UTRN: variants seen among roughly 807,000 people sequenced by gnomAD.
UTRN encodes the protein utrophin.
Under a neutral mutation model 463.9 loss-of-function variants are expected in UTRN, and 283 were observed. The observed-to-expected ratio is 0.61, with a 90% CI of 0.55 to 0.67. The LOEUF (loss-of-function observed/expected upper bound fraction) is 0.67, where lower values mean the gene tolerates loss of function less well. Ranked by LOEUF, UTRN falls within the 30% of genes least tolerant of loss-of-function variation. UTRN has a pLI of 0.00. For missense variants in UTRN, 3,922 were observed against 4,084.3 expected, an observed-to-expected ratio of 0.96 and a Z score of 1.08; for synonymous variants, 1,442 against 1,431.5, an observed-to-expected ratio of 1.01 and a Z score of -0.17.
intron 48 of UTRN, among the ~76,000 whole-genome samples, chr6:144,554,352 G>T (rs147851619): frequency 6.6e-6 from 1 of 152,066 alleles, no homozygotes; most frequent in Non-Finnish European, 1.5e-5. Flanking sequence ...ATCAAACCAG[G>T]TCTATAAATA....
intron 51 of UTRN, among the ~76,000 whole-genome samples, chr6:144,617,943 CA>C (rs1269203654): frequency 6.6e-6 from 1 of 152,078 alleles, no homozygotes; most frequent in Middle Eastern, 3.2e-3. Context: ...TCCAGATAAT[CA>C]AAAAAGCCAT....
intron 44 of UTRN, among the ~76,000 whole-genome samples, chr6:144,538,388 G>A (rs527889420): frequency 2.0e-5 from 3 of 151,958 alleles, no homozygotes; most frequent in Admixed American, 6.6e-5. Context: ...AGAAATTGTG[G>A]GCTGGGTGTG....
intron 2 of UTRN, among the ~76,000 whole-genome samples, chr6:144,362,874 CT>C (rs563704387): frequency 7.6e-4 from 115 of 152,292 alleles, no homozygotes; most frequent in African/African-American, 2.1e-3. Context: ...TGAGGACCTA[CT>C]GTGTGCCAGG....
At chr6:144,411,395 T>C (rs1472108007) in intron 3 of UTRN, among the ~76,000 whole-genome samples, 1 of 152,204 alleles carries the variant, frequency 6.6e-6, no homozygotes, top group Non-Finnish European at 1.5e-5. Flanking sequence ...TAGCCCATTT[T>C]CTTTTTTACT....
At chr6:144,798,380 A>C (rs887411741) in intron 64 of UTRN, among the ~76,000 whole-genome samples, 1 of 152,180 alleles carries the variant, frequency 6.6e-6, no homozygotes, top group Admixed American at 6.5e-5. Flanking sequence ...ATGTTTAATT[A>C]CCAGCTGAGA....
In UTRN at chr6:144,428,775, C is replaced by T. The variant is rs368725210; in HGVS notation, c.579-3C>T. 7.0e-6 allele frequency: 11 copies of T among 1,567,234 alleles called. No homozygotes were observed. The highest frequency in any genetic ancestry group is 3.4e-4 in the Middle Eastern group (2 of 5,920). ...CATTGCATTTTATTTGCATGGTTTT[C>T]AGACCTGATCTCTTCAGCTGGGATA... On this transcript the variant is annotated splice_polypyrimidine_tract_variant and splice_region_variant and intron_variant, in intron 7 of 74. Coordinates refer to ENST00000367545, the MANE Select transcript of UTRN (RefSeq NM_007124.3).
At chr6:144,477,869 C>CTCTATCTA (rs34192951) in intron 25 of UTRN, among the ~76,000 whole-genome samples, 3,082 of 148,842 alleles carry the variant, frequency 0.021, 31 homozygotes, top group Admixed American at 0.029. Context: ...AAGTTTGTAT[C>CTCTATCTA]TCTATCTATC....
At chr6:144,687,763 G>A (rs1035685706) in intron 52 of UTRN, among the ~76,000 whole-genome samples, 3 of 152,068 alleles carry the variant, frequency 2.0e-5, no homozygotes, top group Non-Finnish European at 4.4e-5. Flanking sequence ...TGATGCTTTT[G>A]TCTCAGTGCT....
At chr6:144,724,402 T>C (rs929422064) in intron 53 of UTRN, among the ~76,000 whole-genome samples, 7 of 151,894 alleles carry the variant, frequency 4.6e-5, no homozygotes, top group Middle Eastern at 3.4e-3. Flanking sequence ...CTAATTTTTA[T>C]ATTTTTAGTA....
chr6:144,824,085 A>C (rs1779826026), intron 66 of UTRN, among the ~76,000 whole-genome samples: 1 of 152,190 alleles, frequency 6.6e-6, no homozygotes, highest in Admixed American at 6.6e-5. Flanking sequence ...AAGCATTTTC[A>C]AAAGCTTGGA....
Position 144,798,843 on chromosome 6 carries a change from G to A in UTRN, c.9245+853G>A, listed in dbSNP as rs149666144. On this transcript the variant is annotated intron_variant, in intron 64 of 74. Coordinates refer to ENST00000367545, the MANE Select transcript of UTRN (RefSeq NM_007124.3). ...TTCAACCTCTGCCTCCCAAGTTCAC[G>A]CGATTCCCCTGCCTCGGCCTCCCGA... Among the ~76,000 whole-genome samples, 255 of 152,318 alleles carry A rather than the reference G, an allele frequency of 1.7e-3. 1 individual carries two copies. The highest frequency in any genetic ancestry group is 5.8e-3 in the African/African-American group (243 of 41,576).
intron 2 of UTRN, among the ~76,000 whole-genome samples, chr6:144,367,418 A>T (rs1173230219): frequency 1.3e-5 from 2 of 151,828 alleles, no homozygotes; most frequent in Admixed American, 1.3e-4. Flanking sequence ...TACAGATGTG[A>T]ATTTTATTTT....
chr6:144,820,193 A>T (rs1404681070), intron 65 of UTRN, among the ~76,000 whole-genome samples: 1 of 152,172 alleles, frequency 6.6e-6, no homozygotes, highest in East Asian at 1.9e-4. Flanking sequence ...GTGTTAGTCC[A>T]TATCACCCTA....
intron 51 of UTRN, among the ~76,000 whole-genome samples, chr6:144,599,100 T>C (rs1803965419): frequency 6.6e-6 from 1 of 152,158 alleles, no homozygotes; most frequent in Non-Finnish European, 1.5e-5. Context: ...CTAGGAGAAA[T>C]CTCATTTAAG....
intron 56 of UTRN, 25 bp downstream of exon 56, chr6:144,751,977 T>C (rs759216514): frequency 6.3e-6 from 10 of 1,590,174 alleles, no homozygotes; most frequent in African/African-American, 1.4e-5. Context: ...CCCTTCATAA[T>C]GCAGGCTTAC....
At chr6:144,744,624 CACACAT>C (rs1167179121) in intron 54 of UTRN, among the ~76,000 whole-genome samples, 1,414 of 60,208 alleles carry the variant, frequency 0.023, 35 homozygotes, top group African/African-American at 0.2. Flanking sequence ...CACACACACA[CACACAT>C]ACACACACAC....
At position 144,444,402 on chromosome 6, in the gene UTRN, A is replaced by C; in HGVS notation, c.1614+20A>C. 6.3e-7 allele frequency: 1 copy of C among 1,580,694 alleles called. No individual in the cohort carries two copies. Among genetic ancestry groups the C allele is most frequent in the Non-Finnish European group, 8.6e-7 (1 of 1,159,260 alleles). ...GAACAGGTATGAAACTGTTTTCCAT[A>C]AGGGGCAAAATAAATGGTGAAAAGT... is the stretch of plus-strand genomic sequence containing the variant. On this transcript the variant is annotated intron_variant, in intron 14 of 74. Coordinates refer to ENST00000367545, the MANE Select transcript of UTRN (RefSeq NM_007124.3).
At chr6:144,605,330 C>T (rs902879904) in intron 51 of UTRN, among the ~76,000 whole-genome samples, 8 of 151,860 alleles carry the variant, frequency 5.3e-5, no homozygotes, top group African/African-American at 1.7e-4. Flanking sequence ...GAATCACAGC[C>T]CTGATATCCA....
intron 2 of UTRN, among the ~76,000 whole-genome samples, chr6:144,388,321 G>GT (rs149385653): frequency 0.022 from 3,241 of 149,038 alleles, 110 homozygotes; most frequent in African/African-American, 0.074. Flanking sequence ...AACCTTTTGT[G>GT]TTTTTTTTTA....
Sources: gnomAD v4.1 joint callset for allele counts (sites outside exome capture counted in the v4.1 genomes callset) on GRCh38, gnomAD v4.1.1 for gene constraint, MANE v1.5 for transcripts, NCBI Gene and HGNC (gene_info 2026-07-23, HGNC 2026-07-21) for gene names.